LCT: variants seen among roughly 807,000 people sequenced by gnomAD.
LCT encodes the protein lactase/phlorizin hydrolase.
Under a neutral mutation model 173.0 loss-of-function variants are expected in LCT, and 90 were observed. The observed-to-expected ratio is 0.52, with a 90% CI of 0.44 to 0.62. LCT has a LOEUF of 0.62. Among genes scored for constraint, LCT ranks in the 20% least tolerant of loss-of-function variants. LCT has a pLI of 0.00. For synonymous variants in LCT, 853 were observed against 957.6 expected (o/e 0.89, Z 2.02); for missense variants, 1,864 against 2,431.4 (o/e 0.77, Z 4.91).
chr2:135,831,127 A>G (rs1347326735), intron 2 of LCT, among the ~76,000 whole-genome samples: 4 of 152,160 alleles, frequency 2.6e-5, no homozygotes, highest in Non-Finnish European at 5.9e-5. Context: ...TGCCCACTCA[A>G]GCTTGGGAAC....
At chr2:135,821,828 C>G in intron 5 of LCT, 192 bp downstream of exon 5, 1 of 582,628 alleles carries the variant, frequency 1.7e-6, no homozygotes, top group Non-Finnish European at 3.1e-6. Context: ...AAAGCAGAAC[C>G]TCGTGAGTCC....
At chr2:135,836,006 ATATATATATG>A (rs1467973882) in intron 1 of LCT, among the ~76,000 whole-genome samples, 3,124 of 22,818 alleles carry the variant, frequency 0.14, 162 homozygotes, top group Non-Finnish European at 0.29. Context: ...ATATATATAT[ATATATATATG>A]TATACATATT....
chr2:135,788,582 G>A lies in LCT; in HGVS notation c.5564-38C>T, dbSNP rs190671629. The A allele has an allele frequency of 2.7e-5, 35 of 1,293,880 alleles. No homozygotes were observed. The East Asian group carries it at 5.0e-4, about 19-fold the overall frequency. 80.1% of individuals were successfully genotyped at this position (1,293,880 alleles called of 1,614,324 possible). A position where few individuals can be genotyped will look rare whatever the true frequency, so the allele number is the denominator to read the frequency against. On this transcript the variant is annotated intron_variant, in intron 16 of 16. Coordinates refer to ENST00000264162, the MANE Select transcript of LCT (RefSeq NM_002299.4). ...GACACAGGGTGGTTGGTGCTCTGGC[G>A]CTGATTTGAGTTCTCAGATCTCTGA... is the stretch of plus-strand genomic sequence containing the variant.
intron 3 of LCT, among the ~76,000 whole-genome samples, chr2:135,828,848 G>C (rs1212950120): frequency 2.0e-5 from 3 of 152,150 alleles, no homozygotes; most frequent in African/African-American, 7.2e-5. Flanking sequence ...TAGTAGACCT[G>C]GGTGTGAAAT....
At chr2:135,816,578 A>G (rs2077782870) in intron 6 of LCT, among the ~76,000 whole-genome samples, 1 of 152,248 alleles carries the variant, frequency 6.6e-6, no homozygotes, top group Non-Finnish European at 1.5e-5. Context: ...CACCCTGATC[A>G]GGCTAAATGA....
intron 4 of LCT, 68 bp from the exon 5 acceptor site, chr2:135,822,166 C>G: frequency 1.0e-6 from 1 of 964,984 alleles, no homozygotes; most frequent in Non-Finnish European, 1.7e-6. Flanking sequence ...CTGAAATCAA[C>G]AGTTTTCCTC....
intron 3 of LCT, among the ~76,000 whole-genome samples, chr2:135,825,148 T>C (rs1490048387): frequency 6.6e-6 from 1 of 152,250 alleles, no homozygotes; most frequent in Non-Finnish European, 1.5e-5. Context: ...AATTACCTTT[T>C]TTGCGGGGCT....
Position 135,817,620 on chromosome 2 carries a change from G to A in LCT, c.1428C>T (p.Tyr476=), listed in dbSNP as rs754975856. 2 of 1,614,120 alleles carry A rather than the reference G, an allele frequency of 1.2e-6. No individual in the cohort carries two copies. Among genetic ancestry groups the A allele is most frequent in the Admixed American group, 1.7e-5 (1 of 60,026 alleles). Residue 476 remains tyrosine, a synonymous_variant, in exon 6 of 17, where the codon TAC becomes TAT. Transcript: ENST00000264162. ...GTAGCCTGTCAATCAGCTTGTTGTA[G>A]TAGGCAACGCCTGGGAGGCTGGGGC... ...GSSPSLPGVA[Y]YNKLIDRLQD...
intron 12 of LCT, 147 bp from the exon 13 acceptor site, chr2:135,798,285 C>T: frequency 1.4e-6 from 1 of 692,862 alleles, no homozygotes. Context: ...TGGCTCCTGC[C>T]TGTTGCAGCT....
At chr2:135,811,934 G>T (rs1469445031) in intron 7 of LCT, among the ~76,000 whole-genome samples, 3 of 151,504 alleles carry the variant, frequency 2.0e-5, no homozygotes, top group African/African-American at 7.3e-5. Flanking sequence ...AAAAAAATAA[G>T]CCACGCATAG....
rs1390021606 is a variant in LCT, at chr2:135,813,078, T to C, written c.1708-122A>G. 11 of 871,252 alleles carry C rather than the reference T, an allele frequency of 1.3e-5. No homozygotes were observed. In the African/African-American group the frequency reaches 1.3e-4, roughly 11 times the overall value. 54.0% of individuals were successfully genotyped at this position (871,252 alleles called of 1,614,324 possible). A position where few individuals can be genotyped will look rare whatever the true frequency, so the allele number is the denominator to read the frequency against. ...CAAGTCAATAAAGACAACAACAACA[T>C]TGACATTGTCAATATTGACAACATC... On this transcript the variant is annotated intron_variant, in intron 6 of 16. Coordinates refer to ENST00000264162, the MANE Select transcript of LCT (RefSeq NM_002299.4).
chr2:135,800,866 T>A, intron 11 of LCT, 57 bp from the exon 12 acceptor site: 3 of 1,360,788 alleles, frequency 2.2e-6, no homozygotes, highest in Non-Finnish European at 3.1e-6. Flanking sequence ...GTGACTGAGA[T>A]TGTTAGTCCC....
intron 11 of LCT, 53 bp from the exon 12 acceptor site, chr2:135,800,862 G>A: frequency 2.2e-6 from 3 of 1,376,202 alleles, no homozygotes; most frequent in Non-Finnish European, 3.1e-6. Flanking sequence ...GGATGTGACT[G>A]AGATTGTTAG....
chr2:135,799,798 AAG>A (rs1478097843), intron 12 of LCT, among the ~76,000 whole-genome samples: 10 of 152,120 alleles, frequency 6.6e-5, no homozygotes, highest in Non-Finnish European at 1.5e-4. Context: ...CCATGACTGA[AAG>A]ATGCTGTTCT....
Position 135,804,810 on chromosome 2 carries a change from A to T in LCT, c.4421T>A (p.Val1474Glu). 6.2e-7 allele frequency: 1 copy of T among 1,613,622 alleles called. No homozygotes were observed. The highest frequency in any genetic ancestry group is 8.5e-7 in the Non-Finnish European group (1 of 1,180,042). Residue 1474 changes from valine to glutamate, a missense_variant, in exon 10 of 17, where the codon GTG becomes GAG. This residue lies in a region of LCT where 514 missense variants were observed against 750.1 expected (regional missense o/e 0.69). Transcript: ENST00000264162. Reference protein sequence around the residue: ...YINEAGLNYYVRLIDTLLAAS... With the variant: ...YINEAGLNYYERLIDTLLAAS... Reference sequence around the variant, plus strand: ...GGCCAGCAGTGTATCGATGAGCCTCACGTAGTAGTTCAGGCCCGCTTCATT... The same window carrying T: ...GGCCAGCAGTGTATCGATGAGCCTCTCGTAGTAGTTCAGGCCCGCTTCATT...
In LCT at chr2:135,808,481, A is replaced by T; in HGVS notation, c.3866T>A (p.Ile1289Lys). ...TNPNTEDTDR[I>K]FYHKTYINEA... is the part of the protein sequence containing the mutation. ...ATTGATGTAGGTTTTGTGGTAAAAT[A>T]TCCTATCAGTATCCTCCGTGTTCGG... The change falls in exon 8 of 17, where the codon ATA becomes AAA. Residue 1289 changes from isoleucine to lysine, a missense_variant. Around this residue, in one of 4 missense-constraint regions of LCT, gnomAD observed 755 missense variants for 926.3 expected, o/e 0.82. Transcript: ENST00000264162. 3 of 1,614,102 alleles carry T rather than the reference A, an allele frequency of 1.9e-6. No individual in the cohort carries two copies. The highest frequency in any genetic ancestry group is 1.7e-6 in the Non-Finnish European group (2 of 1,179,966).
intron 16 of LCT, 144 bp from the exon 17 acceptor site, chr2:135,788,688 C>G (rs1172395689): frequency 1.4e-6 from 1 of 701,458 alleles, no homozygotes; most frequent in African/African-American, 1.8e-5. Context: ...CATCCCCTTT[C>G]ACTGTGTGTC....
intron 2 of LCT, 23 bp from the exon 3 acceptor site, chr2:135,829,699 G>A (rs746593068): frequency 6.7e-7 from 1 of 1,502,210 alleles, no homozygotes; most frequent in Admixed American, 1.7e-5. Context: ...GTTAAATAGG[G>A]TCATTAGAAC....
intron 2 of LCT, 78 bp downstream of exon 2, chr2:135,833,033 C>A (rs572595164): frequency 9.8e-6 from 11 of 1,127,890 alleles, no homozygotes; most frequent in Admixed American, 1.7e-5. Context: ...ACCAATAGAC[C>A]AAAACTTCTC....
Sources: gnomAD v4.1 joint callset for allele counts (sites outside exome capture counted in the v4.1 genomes callset) on GRCh38, gnomAD v4.1.1 for gene constraint, gnomAD v4.1.1 regional missense constraint, MANE v1.5 for transcripts, NCBI Gene and HGNC (gene_info 2026-07-23, HGNC 2026-07-21) for gene names.